SEMA6D: variants seen among roughly 807,000 people sequenced by gnomAD.
The protein encoded by SEMA6D is semaphorin 6D, also known as semaphorin-6D.
Under a neutral mutation model 106.6 loss-of-function variants are expected in SEMA6D, and 35 were observed. The ratio of observed to expected loss-of-function variants is 0.33; its 90% confidence interval spans 0.25 to 0.44. The LOEUF (loss-of-function observed/expected upper bound fraction) is 0.44. Ranked by LOEUF, SEMA6D falls within the 20% of genes least tolerant of loss-of-function variation. The probability of loss-of-function intolerance (pLI) is 1.00; values close to 1 mark genes in which losing one functional copy is unlikely to be tolerated. For synonymous variants in SEMA6D, 499 were observed against 487.7 expected, an observed-to-expected ratio of 1.02 and a Z score of -0.31; for missense variants, 1,185 against 1,345.9, an observed-to-expected ratio of 0.88 and a Z score of 1.87.
intron 3 of SEMA6D, among the ~76,000 whole-genome samples, chr15:47,504,818 C>T (rs1391294679): frequency 2.0e-5 from 3 of 152,140 alleles, no homozygotes; most frequent in Admixed American, 1.3e-4. Context: ...TCAGATTCTT[C>T]GTCTGGTTTT....
At chr15:47,509,674 T>C (rs2044162536) in intron 3 of SEMA6D, among the ~76,000 whole-genome samples, 1 of 152,244 alleles carries the variant, frequency 6.6e-6, no homozygotes, top group Admixed American at 6.5e-5. Flanking sequence ...CCTCTTCCAG[T>C]CATTTAAAAT....
chr15:47,441,269 A>G (rs1375408613), intron 2 of SEMA6D, among the ~76,000 whole-genome samples: 1 of 152,070 alleles, frequency 6.6e-6, no homozygotes, highest in Non-Finnish European at 1.5e-5. Context: ...TGTCATTGAC[A>G]TTTAATGAAA....
intron 1 of SEMA6D, among the ~76,000 whole-genome samples, chr15:47,354,983 A>T (rs2038510797): frequency 6.6e-6 from 1 of 152,240 alleles, no homozygotes; most frequent in Non-Finnish European, 1.5e-5. Context: ...ACTTAGGACA[A>T]GATCTAAGAG....
At chr15:47,437,206 G>A (rs2140687208) in intron 2 of SEMA6D, among the ~76,000 whole-genome samples, 1 of 152,130 alleles carries the variant, frequency 6.6e-6, no homozygotes, top group South Asian at 2.1e-4. Context: ...GCTGTCTTGT[G>A]CCTAATCCAA....
intron 4 of SEMA6D, among the ~76,000 whole-genome samples, chr15:47,652,540 T>C (rs2077711911): frequency 6.6e-6 from 1 of 152,170 alleles, no homozygotes; most frequent in Non-Finnish European, 1.5e-5. Flanking sequence ...AAAATGTAAC[T>C]GTGGAATGGT....
chr15:47,393,110 T>C (rs891416643), intron 1 of SEMA6D, among the ~76,000 whole-genome samples: 1 of 152,232 alleles, frequency 6.6e-6, no homozygotes, highest in East Asian at 1.9e-4. Context: ...TATATGGGCA[T>C]TGGAAAATTC....
chr15:47,694,659 AT>A (rs1464034082), intron 4 of SEMA6D, among the ~76,000 whole-genome samples: 3 of 152,070 alleles, frequency 2.0e-5, no homozygotes, highest in Non-Finnish European at 2.9e-5. Flanking sequence ...ACAAATAGCA[AT>A]ATTTTTCCTA....
upstream of SEMA6D, among the ~76,000 whole-genome samples, chr15:47,714,148 C>T (rs2079068704): frequency 6.6e-6 from 1 of 152,070 alleles, no homozygotes; most frequent in Non-Finnish European, 1.5e-5. Context: ...GAGGAGGAGC[C>T]TGGGTTTCAA....
chr15:47,599,968 T>A (rs2076614461), intron 3 of SEMA6D, among the ~76,000 whole-genome samples: 2 of 152,098 alleles, frequency 1.3e-5, no homozygotes, highest in African/African-American at 4.8e-5. Flanking sequence ...TTCCAGTTCC[T>A]AGGGAATTTG....
At chr15:47,396,969 AAC>A (rs1435975944) in intron 1 of SEMA6D, among the ~76,000 whole-genome samples, 1 of 152,144 alleles carries the variant, frequency 6.6e-6, no homozygotes, top group Non-Finnish European at 1.5e-5. Context: ...TCCCTTACAA[AAC>A]ACAAGTTCAA....
At chr15:47,364,671 C>T (rs1435081226) in intron 1 of SEMA6D, among the ~76,000 whole-genome samples, 1 of 152,258 alleles carries the variant, frequency 6.6e-6, no homozygotes, top group Non-Finnish European at 1.5e-5. Flanking sequence ...CATCACTCCA[C>T]GGCCTCTTTC....
intron 3 of SEMA6D, among the ~76,000 whole-genome samples, chr15:47,484,136 C>T (rs2141336430): frequency 6.6e-6 from 1 of 152,272 alleles, no homozygotes; most frequent in East Asian, 1.9e-4. Flanking sequence ...CTCTCTGTTC[C>T]TTTTGGCACA....
At chr15:47,328,237 C>G (rs2037208668) in intron 1 of SEMA6D, among the ~76,000 whole-genome samples, 1 of 152,144 alleles carries the variant, frequency 6.6e-6, no homozygotes, top group African/African-American at 2.4e-5. Context: ...TTAGGATAAT[C>G]ATGTAGCTAG....
At chr15:47,197,253 T>C (rs984367475) in intron 1 of SEMA6D, among the ~76,000 whole-genome samples, 1 of 152,192 alleles carries the variant, frequency 6.6e-6, no homozygotes, top group African/African-American at 2.4e-5. Flanking sequence ...TGCTGTACCC[T>C]GTATACGAGG....
intron 1 of SEMA6D, chr15:47,396,725 T>A (rs1026070948): frequency 2.0e-5 from 3 of 152,224 alleles, no homozygotes; most frequent in Admixed American, 6.5e-5. Flanking sequence ...AATGTTAATC[T>A]TCTTTGGCAA....
At chr15:47,227,569 T>TCTCTCACACA (rs142672147) in intron 1 of SEMA6D, among the ~76,000 whole-genome samples, 2 of 127,900 alleles carry the variant, frequency 1.6e-5, no homozygotes, top group Non-Finnish European at 3.2e-5. Context: ...TCTCTCTCTC[T>TCTCTCACACA]CACACACACA....
intron 1 of SEMA6D, among the ~76,000 whole-genome samples, chr15:47,314,799 T>A (rs2036586611): frequency 6.6e-6 from 1 of 150,934 alleles, no homozygotes; most frequent in Non-Finnish European, 1.5e-5. Flanking sequence ...GATCCTGCCT[T>A]TGGTGTTGTA....
intron 4 of SEMA6D, among the ~76,000 whole-genome samples, chr15:47,696,433 C>A (rs1428871392): frequency 6.6e-6 from 1 of 152,166 alleles, no homozygotes; most frequent in African/African-American, 2.4e-5. Flanking sequence ...TCAGGGACTG[C>A]AAGTCTCAGC....
rs1014413027 is a variant in SEMA6D, at chr15:47,234,475, C to A, written c.-239+50057C>A. ...GGGTACATTGTACTCAATGTGTAATCTTTTTATTCCTCAGTCCTCTTTCAC... is the reference window on the plus strand; with the variant it reads ...GGGTACATTGTACTCAATGTGTAATATTTTTATTCCTCAGTCCTCTTTCAC... On this transcript the variant is annotated intron_variant, in intron 1 of 19. Transcript: ENST00000558014. 2.2e-4 allele frequency among the ~76,000 whole-genome samples: 34 copies of A among 151,816 alleles called. 1 individual carries two copies. Among genetic ancestry groups the A allele is most frequent in the African/African-American group, 8.2e-4 (34 of 41,370 alleles).
Sources: gnomAD v4.1 joint callset for allele counts (sites outside exome capture counted in the v4.1 genomes callset) on GRCh38, gnomAD v4.1.1 for gene constraint, MANE v1.5 for transcripts, NCBI Gene and HGNC (gene_info 2026-07-23, HGNC 2026-07-21) for gene names.